NOX4: variants seen among roughly 807,000 people sequenced by gnomAD.
NOX4 encodes NADPH oxidase 4, also known as kidney oxidase-1.
A neutral mutation model predicts 87.6 loss-of-function variants in NOX4; 69 were observed. The ratio of observed to expected loss-of-function variants is 0.79; its 90% CI spans 0.65 to 0.96. The LOEUF (loss-of-function observed/expected upper bound fraction) is 0.96, where lower values mean the gene tolerates loss of function less well. Ranked by LOEUF, NOX4 falls within the 40% of genes least tolerant of loss-of-function variation. The pLI, the probability that NOX4 is intolerant of heterozygous loss-of-function variation, is 0.00. For missense variants in NOX4, 680 were observed against 681.5 expected (o/e 1.00, Z 0.02); for synonymous variants, 275 against 238.2 (o/e 1.15, Z -1.42).
At chr11:89,365,748 G>A (rs1698273) in intron 12 of NOX4, among the ~76,000 whole-genome samples, 65 of 109,168 alleles carry the variant, frequency 6.0e-4, no homozygotes, top group African/African-American at 1.9e-3. Context: ...CCAAGACCAC[G>A]CCCACAAAAA....
intron 15 of NOX4, among the ~76,000 whole-genome samples, chr11:89,339,049 T>C (rs1033146761): frequency 6.6e-6 from 1 of 152,138 alleles, no homozygotes; most frequent in African/African-American, 2.4e-5. Flanking sequence ...TAGAATAGTT[T>C]CAGATTGATA....
chr11:89,372,839 C>T (rs757421496), intron 12 of NOX4, among the ~76,000 whole-genome samples: 13 of 151,938 alleles, frequency 8.6e-5, no homozygotes, highest in South Asian at 4.2e-4. Context: ...GTTACTCTGG[C>T]GGGTCAAGGA....
intron 6 of NOX4, among the ~76,000 whole-genome samples, chr11:89,434,966 G>A (rs576972048): frequency 6.6e-6 from 1 of 152,122 alleles, no homozygotes; most frequent in African/African-American, 2.4e-5. Context: ...AGGAGGGGTA[G>A]AGGGCAAGAT....
At position 89,340,099 on chromosome 11, in the gene NOX4, A is replaced by G. The variant is rs371388967; in HGVS notation, c.1410T>C (p.Arg470=). Residue 470 remains arginine, a synonymous_variant, in exon 15 of 18, where the codon CGT becomes CGC. Transcript: ENST00000263317. ...IWVCRDIQSF[R]WFADLLCMLH... Reference sequence around the variant, plus strand: ...ACATACAGAGTAAATCTGCAAACCAACGGAAGGACTGGATATCTCTGCATA... The same window carrying G: ...ACATACAGAGTAAATCTGCAAACCAGCGGAAGGACTGGATATCTCTGCATA... 194 of 1,575,250 alleles carry G rather than the reference A, an allele frequency of 1.2e-4. 1 individual carries two copies. The highest frequency in any genetic ancestry group is 4.8e-4 in the South Asian group (41 of 84,552).
At chr11:89,459,480 A>G (rs541954548) in intron 2 of NOX4, among the ~76,000 whole-genome samples, 10 of 152,196 alleles carry the variant, frequency 6.6e-5, no homozygotes, top group Non-Finnish European at 1.2e-4. Context: ...TACAAAATCA[A>G]TGTGTAAAAA....
intron 15 of NOX4, among the ~76,000 whole-genome samples, chr11:89,338,039 A>T (rs1481873114): frequency 6.6e-6 from 1 of 151,892 alleles, no homozygotes; most frequent in African/African-American, 2.4e-5. Flanking sequence ...GCAAAAATAT[A>T]CCTGCAAAAA....
At chr11:89,489,319 T>C (rs1354588387) in intron 2 of NOX4, among the ~76,000 whole-genome samples, 2 of 152,020 alleles carry the variant, frequency 1.3e-5, no homozygotes, top group Admixed American at 6.6e-5. Context: ...TGAAAAAAAA[T>C]AAAAAAGCAA....
At chr11:89,473,018 G>A (rs963680850) in intron 2 of NOX4, among the ~76,000 whole-genome samples, 2 of 152,090 alleles carry the variant, frequency 1.3e-5, no homozygotes, top group African/African-American at 4.8e-5. Context: ...GACCTCTTTG[G>A]CTGAAAAACA....
chr11:89,511,053 A>T, the NOX4 span, among the ~76,000 whole-genome samples: 2 of 152,036 alleles, frequency 1.3e-5, no homozygotes, highest in Non-Finnish European at 2.9e-5. Flanking sequence ...GTGTCGTGCT[A>T]TATGTAGGTA....
At chr11:89,585,922 G>C in the NOX4 span, among the ~76,000 whole-genome samples, 1 of 152,082 alleles carries the variant, frequency 6.6e-6, no homozygotes, top group Non-Finnish European at 1.5e-5. Flanking sequence ...GACAATCACT[G>C]AATATAAACA....
At chr11:89,330,191 T>A (rs1945411577) in intron 17 of NOX4, among the ~76,000 whole-genome samples, 1 of 151,868 alleles carries the variant, frequency 6.6e-6, no homozygotes, top group Non-Finnish European at 1.5e-5. Flanking sequence ...CTACAAAAAA[T>A]TTTAAAAATT....
intron 16 of NOX4, 77 bp downstream of exon 16, chr11:89,337,370 T>A (rs969207397): frequency 1.3e-6 from 2 of 1,592,504 alleles, no homozygotes; most frequent in Admixed American, 1.7e-5. Flanking sequence ...CCTGCAGGAA[T>A]TTTCTTCCAC....
chr11:89,503,353 T>C, the NOX4 span, among the ~76,000 whole-genome samples: 2 of 151,964 alleles, frequency 1.3e-5, no homozygotes, highest in Non-Finnish European at 2.9e-5. Flanking sequence ...TGATACTCAT[T>C]AATAAGGTCT....
intron 8 of NOX4, among the ~76,000 whole-genome samples, chr11:89,407,259 C>T (rs1398387862): frequency 6.6e-6 from 1 of 151,758 alleles, no homozygotes; most frequent in African/African-American, 2.4e-5. Context: ...TAAACAAATG[C>T]TAAATAATTT....
At chr11:89,497,242 C>T (rs1239978843) in intron 1 of NOX4, among the ~76,000 whole-genome samples, 1 of 152,158 alleles carries the variant, frequency 6.6e-6, no homozygotes, top group Non-Finnish European at 1.5e-5. Context: ...ATTTCCTGAA[C>T]ACATCTATTA....
At chr11:89,582,054 G>T in the NOX4 span, among the ~76,000 whole-genome samples, 1 of 152,032 alleles carries the variant, frequency 6.6e-6, no homozygotes, top group Non-Finnish European at 1.5e-5. Flanking sequence ...CCTGTCAGCT[G>T]CTATTCTAGT....
chr11:89,566,906 C>T, the NOX4 span, among the ~76,000 whole-genome samples: 2 of 152,072 alleles, frequency 1.3e-5, no homozygotes, highest in African/African-American at 4.8e-5. Context: ...TAGGAATCCC[C>T]GTGACCTCCA....
At chr11:89,564,982 C>A in the NOX4 span, among the ~76,000 whole-genome samples, 1 of 151,850 alleles carries the variant, frequency 6.6e-6, no homozygotes, top group African/African-American at 2.4e-5. Context: ...GTTTTCTTGG[C>A]CATATTCTGA....
chr11:89,392,404 T>C (rs1203737403), intron 11 of NOX4, among the ~76,000 whole-genome samples: 3 of 152,104 alleles, frequency 2.0e-5, no homozygotes, highest in Non-Finnish European at 4.4e-5. Flanking sequence ...ATATAACTAA[T>C]GGAGCTTCCG....
Sources: gnomAD v4.1 joint callset for allele counts (sites outside exome capture counted in the v4.1 genomes callset) on GRCh38, gnomAD v4.1.1 for gene constraint, MANE v1.5 for transcripts, NCBI Gene and HGNC (gene_info 2026-07-23, HGNC 2026-07-21) for gene names.